ODAD1: variants seen among roughly 807,000 people sequenced by gnomAD.
ODAD1 encodes the protein outer dynein arm docking complex subunit 1.
Under a neutral mutation model 67.2 loss-of-function variants are expected in ODAD1, and 49 were observed. The observed-to-expected ratio is 0.73, with a 90% CI of 0.58 to 0.92. The LOEUF (loss-of-function observed/expected upper bound fraction) is 0.92, where lower values mean the gene tolerates loss of function less well. Ranked by LOEUF, ODAD1 falls within the 40% of genes least tolerant of loss-of-function variation. ODAD1 has a pLI of 0.00. For synonymous variants in ODAD1, 345 were observed against 393.7 expected, an observed-to-expected ratio of 0.88 and a Z score of 1.46; for missense variants, 897 against 953.7, an observed-to-expected ratio of 0.94 and a Z score of 0.78.
At chr19:48,319,956 C>T (rs1160790679) in intron 3 of ODAD1, 2 of 794,086 alleles carry the variant, frequency 2.5e-6, no homozygotes, top group Non-Finnish European at 3.1e-6. Context: ...AAAGAATTAT[C>T]CCACCCCAAG....
At chr19:48,311,475 A>G in intron 7 of ODAD1, 78 bp downstream of exon 7, 1 of 816,454 alleles carries the variant, frequency 1.2e-6, no homozygotes. Flanking sequence ...TGAGTGCTAG[A>G]GCAGGAAGGG....
At chr19:48,303,896 A>C in intron 9 of ODAD1, 57 bp downstream of exon 9, 1 of 1,589,368 alleles carries the variant, frequency 6.3e-7, no homozygotes, top group Non-Finnish European at 8.6e-7. Flanking sequence ...GGTGTGCTGC[A>C]GGTGCCCCAG....
intron 8 of ODAD1, among the ~76,000 whole-genome samples, chr19:48,305,833 G>A (rs1655390332): frequency 6.6e-6 from 1 of 151,952 alleles, no homozygotes. Flanking sequence ...GGCAGAGGCG[G>A]GTAGATCATG....
At position 48,306,289 on chromosome 19, in the gene ODAD1, AG is replaced by A; in HGVS notation, c.631del (p.Ile212SerfsTer97). On this transcript the variant is annotated frameshift_variant, in exon 8 of 16. Transcript: ENST00000674294. LOFTEE classifies it high-confidence loss of function. The stretch of plus-strand genomic sequence containing the variant: ...GTAGGCAGAGGTGGAGGAGAGGATA[AG>A]GGTGCTGACCAGGTGATGCAGGTGG... ...IHHLHHLVST[L>X]ILSSTSAYAV... 1 of 1,551,586 alleles carries A rather than the reference AG, an allele frequency of 6.4e-7. No individual in the cohort carries two copies.
At chr19:48,312,400 G>GTTT (rs767432952) in intron 5 of ODAD1, among the ~76,000 whole-genome samples, 1 of 120,812 alleles carries the variant, frequency 8.3e-6, no homozygotes, top group Non-Finnish European at 1.7e-5. Flanking sequence ...ACTCCTTTCC[G>GTTT]TTTTTTTTTT....
At chr19:48,319,056 G>A (rs1415169395) in intron 3 of ODAD1, among the ~76,000 whole-genome samples, 1 of 151,968 alleles carries the variant, frequency 6.6e-6, no homozygotes, top group Non-Finnish European at 1.5e-5. Flanking sequence ...TCCCACCAGA[G>A]GGCACTTCTG....
rs1440782987 is a variant in ODAD1, at chr19:48,297,595, T to TCTCCACTTGGCTCAGCAGCTC, written c.1555_1575dup (p.Glu519_Glu525dup). 1 of 1,549,492 alleles carries TCTCCACTTGGCTCAGCAGCTC rather than the reference T, an allele frequency of 6.5e-7. No individual in the cohort carries two copies. The highest frequency in any genetic ancestry group is 1.2e-5 in the South Asian group (1 of 80,432). ...CCCGCAGGCCCCACTCTCACCAGCTTCTCCACTTGGCTCAGCAGCTCCTCC... is the reference window on the plus strand; with the variant it reads ...CCCGCAGGCCCCACTCTCACCAGCTTCTCCACTTGGCTCAGCAGCTCCTCCACTTGGCTCAGCAGCTCCTCC... On this transcript the variant is annotated inframe_insertion, in exon 15 of 16. Coordinates refer to ENST00000674294, the MANE Select transcript of ODAD1 (RefSeq NM_001364171.2).
chr19:48,300,026 C>T (rs894752260), intron 12 of ODAD1, among the ~76,000 whole-genome samples: 1 of 151,214 alleles, frequency 6.6e-6, no homozygotes, highest in Non-Finnish European at 1.5e-5. Context: ...AAAAAAGGGC[C>T]GGGCACAGTG....
chr19:48,306,421 C>T (rs929617684), intron 7 of ODAD1, 98 bp from the exon 8 acceptor site: 17 of 1,017,632 alleles, frequency 1.7e-5, no homozygotes, highest in Non-Finnish European at 2.2e-5. Context: ...AGGAGTAAAG[C>T]TCTTGAGCCT....
intron 3 of ODAD1, among the ~76,000 whole-genome samples, chr19:48,319,173 C>A (rs1030407424): frequency 7.9e-5 from 12 of 152,006 alleles, no homozygotes; most frequent in Admixed American, 4.6e-4. Flanking sequence ...CAGCCCCATC[C>A]TCTTGCCTCC....
At chr19:48,302,884 C>T (rs1165677493) in intron 11 of ODAD1, 22 bp from the exon 12 acceptor site, 1 of 1,601,188 alleles carries the variant, frequency 6.2e-7, no homozygotes, top group Non-Finnish European at 8.5e-7. Context: ...GGGCTGAATG[C>T]TGGGCCAGAT....
At chr19:48,301,630 C>T (rs529983578) in intron 12 of ODAD1, among the ~76,000 whole-genome samples, 3 of 152,202 alleles carry the variant, frequency 2.0e-5, no homozygotes, top group African/African-American at 7.2e-5. Context: ...AATGTCATTG[C>T]AGATAGATGG....
At chr19:48,300,335 T>G (rs1364393433) in intron 12 of ODAD1, among the ~76,000 whole-genome samples, 1 of 152,036 alleles carries the variant, frequency 6.6e-6, no homozygotes, top group Non-Finnish European at 1.5e-5. Context: ...TCTAAAAAAA[T>G]TTTTAAAAAG....
At chr19:48,297,927 CTCTA>C (rs2147308907) in intron 14 of ODAD1, 69 bp downstream of exon 14, 3 of 1,266,938 alleles carry the variant, frequency 2.4e-6, no homozygotes, top group East Asian at 4.7e-5. Flanking sequence ...CCCCAAAACT[CTCTA>C]TCCTGTGTGT....
intron 5 of ODAD1, among the ~76,000 whole-genome samples, chr19:48,317,034 T>C (rs1467148906): frequency 6.6e-6 from 1 of 152,024 alleles, no homozygotes; most frequent in African/African-American, 2.4e-5. Flanking sequence ...CTCTCTCTGT[T>C]GCCCAGGCTG....
intron 12 of ODAD1, among the ~76,000 whole-genome samples, chr19:48,299,003 T>C (rs1487822191): frequency 1.3e-5 from 2 of 152,102 alleles, no homozygotes; most frequent in African/African-American, 4.8e-5. Context: ...TCTCCATCCG[T>C]CATCCCTTCT....
rs568445463 is a variant in ODAD1 at position 48,314,321 on chromosome 19, A to G, written c.361-2205T>C. 4.6e-5 allele frequency among the ~76,000 whole-genome samples: 7 copies of G among 152,304 alleles called. No homozygotes were observed. The South Asian group carries it at 1.5e-3, about 32-fold the overall frequency. On this transcript the variant is annotated intron_variant, in intron 5 of 15. Coordinates refer to ENST00000674294, the MANE Select transcript of ODAD1 (RefSeq NM_001364171.2). ...TGCTCAGAAGGAACCAAACCTGCCT[A>G]CATCTTGATCTTGGACTTCTGGCCT... is the stretch of plus-strand genomic sequence containing the variant.
At chr19:48,320,268 G>C (rs1476169891) in intron 3 of ODAD1, 31 bp downstream of exon 3, 1 of 1,209,170 alleles carries the variant, frequency 8.3e-7, no homozygotes, top group Non-Finnish European at 1.1e-6. Flanking sequence ...GGAAAAGAAT[G>C]GGTGAATGAT....
chr19:48,297,182 G>T lies in ODAD1; in HGVS notation c.1918C>A (p.Pro640Thr), dbSNP rs776745291. Residue 640 changes from proline (P) to threonine (T), a missense_variant, in exon 16 of 16, where the codon CCC (proline) becomes ACC (threonine). Transcript: ENST00000674294. ...ASSGGHVTFR[P>T]VSASSYLGST... Reference sequence around the variant, plus strand: ...CCCAGGTAGCTGCTGGCGCTGACGGGTCTGAAGGTCACGTGGCCCCCACTC... The same window carrying T: ...CCCAGGTAGCTGCTGGCGCTGACGGTTCTGAAGGTCACGTGGCCCCCACTC... The T allele has an allele frequency of 6.2e-7, 1 of 1,614,148 alleles. No homozygotes were observed. Among genetic ancestry groups the T allele is most frequent in the Non-Finnish European group, 8.5e-7 (1 of 1,180,020 alleles).
Sources: allele counts gnomAD v4.1 joint callset (sites outside exome capture counted in the v4.1 genomes callset), GRCh38; gene constraint gnomAD v4.1.1; transcripts MANE v1.5; gene names NCBI Gene and HGNC (gene_info 2026-07-23, HGNC 2026-07-21).